The following NEGR1 variants were observed in gnomAD, a reference collection of about 807,000 sequenced individuals.
The protein encoded by NEGR1 is neuronal growth regulator 1, also known as IgLON family member 4.
Under a neutral mutation model 40.9 loss-of-function variants are expected in NEGR1, and 10 were observed. The observed-to-expected ratio is 0.24, with a 90% confidence interval of 0.15 to 0.42. The LOEUF is 0.42. Among genes scored for constraint, NEGR1 ranks in the 10% least tolerant of loss-of-function variants. The pLI is 1.00. For missense variants in NEGR1, 352 were observed against 438.9 expected (o/e 0.80, Z 1.77); for synonymous variants, 185 against 166.8 (o/e 1.11, Z -0.84).
chr1:71,454,295 G>T (rs1345780271), intron 6 of NEGR1, among the ~76,000 whole-genome samples: 3 of 151,584 alleles, frequency 2.0e-5, no homozygotes, highest in African/African-American at 7.3e-5. Flanking sequence ...AGCTTATGGT[G>T]ACTTTGTCTA....
chr1:72,100,567 C>T (rs575197288), intron 1 of NEGR1, among the ~76,000 whole-genome samples: 1 of 152,270 alleles, frequency 6.6e-6, no homozygotes, highest in African/African-American at 2.4e-5. Flanking sequence ...TTCAATTGTT[C>T]CAGTTTTATG....
intron 6 of NEGR1, among the ~76,000 whole-genome samples, chr1:71,586,261 A>G (rs1319114811): frequency 6.6e-6 from 1 of 152,104 alleles, no homozygotes; most frequent in Non-Finnish European, 1.5e-5. Context: ...CAGTTTCCTC[A>G]CCTATAAAGT....
At chr1:71,661,463 C>A (rs913567044) in intron 4 of NEGR1, among the ~76,000 whole-genome samples, 1 of 152,126 alleles carries the variant, frequency 6.6e-6, no homozygotes, top group African/African-American at 2.4e-5. Context: ...TTTTTCCATT[C>A]TGCAAATAAA....
intron 2 of NEGR1, among the ~76,000 whole-genome samples, chr1:71,779,190 T>G (rs1469143346): frequency 6.6e-6 from 1 of 152,196 alleles, no homozygotes; most frequent in Non-Finnish European, 1.5e-5. Context: ...CGGTGGCTTG[T>G]GGAGACAAAA....
rs1200314504 is a variant in NEGR1 at position 72,062,248 on chromosome 1, C to T, written c.177-126937G>A. Among the ~76,000 whole-genome samples, 14 of 151,796 alleles carry T rather than the reference C, an allele frequency of 9.2e-5. 1 individual carries two copies. The Admixed American group carries it at 9.2e-4, about 10-fold the overall frequency. The stretch of plus-strand genomic sequence containing the variant: ...GGAAGTTTTTCCCAGTTTCTAAGCA[C>T]CTTTCTTCAATTGGTAAGCTTCCTT... On this transcript the variant is annotated intron_variant, in intron 1 of 6. Coordinates refer to ENST00000357731, the MANE Select transcript of NEGR1 (RefSeq NM_173808.3).
At chr1:71,507,457 G>A (rs995436537) in intron 6 of NEGR1, among the ~76,000 whole-genome samples, 5 of 152,118 alleles carry the variant, frequency 3.3e-5, no homozygotes, top group African/African-American at 4.8e-5. Flanking sequence ...GGGAATTATG[G>A]GTGTATTGGG....
At chr1:72,113,555 G>A (rs1041850483) in intron 1 of NEGR1, among the ~76,000 whole-genome samples, 6 of 151,274 alleles carry the variant, frequency 4.0e-5, no homozygotes, top group African/African-American at 1.2e-4. Flanking sequence ...TTTAGAAAAG[G>A]AAGAATATCA....
intron 5 of NEGR1, among the ~76,000 whole-genome samples, chr1:71,599,294 A>T (rs1649841757): frequency 6.6e-6 from 1 of 152,212 alleles, no homozygotes; most frequent in Non-Finnish European, 1.5e-5. Context: ...AATATTGAGC[A>T]TTCAGGAAAT....
intron 6 of NEGR1, among the ~76,000 whole-genome samples, chr1:71,490,936 G>A (rs1646923603): frequency 6.6e-5 from 10 of 151,898 alleles, no homozygotes; most frequent in Admixed American, 6.6e-4. Flanking sequence ...TTGAGTAGGG[G>A]TTTTCCATGA....
intron 4 of NEGR1, among the ~76,000 whole-genome samples, chr1:71,684,026 T>A (rs1652933359): frequency 6.6e-6 from 1 of 152,158 alleles, no homozygotes. Context: ...ATCCCAGTAC[T>A]TTGGGATGCC....
At chr1:72,127,601 G>C (rs1650079581) in intron 1 of NEGR1, among the ~76,000 whole-genome samples, 1 of 149,434 alleles carries the variant, frequency 6.7e-6, no homozygotes, top group Non-Finnish European at 1.5e-5. Context: ...TGGTATAAAA[G>C]CCTAATTTAT....
intron 6 of NEGR1, among the ~76,000 whole-genome samples, chr1:71,418,090 T>TC (rs1553140057): frequency 6.6e-6 from 1 of 151,192 alleles, no homozygotes; most frequent in Non-Finnish European, 1.5e-5. Context: ...TTTTTTTTTT[T>TC]GAGGCATACC....
At chr1:71,643,333 C>T (rs887178438) in intron 4 of NEGR1, among the ~76,000 whole-genome samples, 11 of 151,724 alleles carry the variant, frequency 7.3e-5, no homozygotes, top group African/African-American at 2.7e-4. Flanking sequence ...TCAGTGATGG[C>T]GATGGTATTG....
chr1:71,563,468 A>T (rs1449761142), intron 6 of NEGR1, among the ~76,000 whole-genome samples: 2 of 152,022 alleles, frequency 1.3e-5, no homozygotes, highest in Non-Finnish European at 2.9e-5. Flanking sequence ...GATGAAGCTT[A>T]AATGGATAAT....
intron 1 of NEGR1, among the ~76,000 whole-genome samples, chr1:72,090,005 G>A (rs1407969531): frequency 6.6e-6 from 1 of 152,116 alleles, no homozygotes; most frequent in Non-Finnish European, 1.5e-5. Flanking sequence ...GGATTTGCCA[G>A]ATGACTAACA....
At chr1:71,507,592 A>G (rs1411999987) in intron 6 of NEGR1, among the ~76,000 whole-genome samples, 1 of 152,138 alleles carries the variant, frequency 6.6e-6, no homozygotes, top group Non-Finnish European at 1.5e-5. Flanking sequence ...CAAAGCATTC[A>G]AGTAAATTTC....
At chr1:71,850,329 T>C (rs557166424) in intron 2 of NEGR1, among the ~76,000 whole-genome samples, 2 of 152,100 alleles carry the variant, frequency 1.3e-5, no homozygotes, top group East Asian at 1.9e-4. Flanking sequence ...CAAATATTTA[T>C]ATTTTTGTTA....
Position 72,257,043 on chromosome 1 carries a change from C to T in NEGR1, c.176+25276G>A, listed in dbSNP as rs147282278. 6.9e-4 allele frequency among the ~76,000 whole-genome samples: 105 copies of T among 152,282 alleles called. 2 individuals carry two copies. The East Asian group carries it at 0.019, about 27-fold the overall frequency. On this transcript the variant is annotated intron_variant, in intron 1 of 6. Transcript: ENST00000357731. ...CAAACTGTTAAGAATAGCACATAGG[C>T]CGGGCGCGGTGGCTCACGCCTGTAA...
At chr1:71,643,401 C>T (rs17091559) in intron 4 of NEGR1, among the ~76,000 whole-genome samples, 5,586 of 151,950 alleles carry the variant, frequency 0.037, 135 homozygotes, top group African/African-American at 0.073. Context: ...GCTGGAAAAT[C>T]AGTAGTTAAA....
Sources: allele counts gnomAD v4.1 joint callset (sites outside exome capture counted in the v4.1 genomes callset), GRCh38; gene constraint gnomAD v4.1.1; transcripts MANE v1.5; gene names NCBI Gene and HGNC (gene_info 2026-07-23, HGNC 2026-07-21).